The following PRKG1 variants were observed in gnomAD, a reference collection of about 807,000 sequenced individuals.
PRKG1 encodes the protein protein kinase cGMP-dependent 1.
A neutral mutation model predicts 88.1 loss-of-function variants in PRKG1; 35 were observed. The ratio of observed to expected loss-of-function variants is 0.40; its 90% CI spans 0.30 to 0.53. PRKG1 has a LOEUF of 0.53. Among genes scored for constraint, PRKG1 ranks in the 20% least tolerant of loss-of-function variants. The pLI, the probability that PRKG1 is intolerant of heterozygous loss-of-function variation, is 0.59. For synonymous variants in PRKG1, 303 were observed against 292.5 expected (o/e 1.04, Z -0.37); for missense variants, 540 against 839.8 (o/e 0.64, Z 4.41).
At chr10:52,275,025 A>G (rs892553203) in intron 12 of PRKG1, among the ~76,000 whole-genome samples, 2 of 151,592 alleles carry the variant, frequency 1.3e-5, no homozygotes, top group Non-Finnish European at 2.9e-5. Flanking sequence ...TTTTCATTGG[A>G]TTATTTGTTT....
chr10:51,143,483 T>G (rs910650178), intron 1 of PRKG1, among the ~76,000 whole-genome samples: 4 of 152,106 alleles, frequency 2.6e-5, no homozygotes, highest in African/African-American at 9.6e-5. Flanking sequence ...TTAGTTTACT[T>G]TGGGTATATA....
intron 4 of PRKG1, among the ~76,000 whole-genome samples, chr10:51,903,164 A>T (rs938663005): frequency 6.6e-6 from 1 of 152,306 alleles, no homozygotes; most frequent in East Asian, 1.9e-4. Flanking sequence ...TGTCAGTGTC[A>T]TATGGGCAAA....
Position 51,554,047 on chromosome 10 carries a change from CGTATGTGATACGTGTATATATT to C in PRKG1, c.592+86212_592+86233del. Among the ~76,000 whole-genome samples the C allele has an allele frequency of 1.7e-5, 2 of 115,176 alleles. 1 individual carries two copies. Among genetic ancestry groups the C allele is most frequent in the South Asian group, 5.3e-4 (2 of 3,742 alleles). 75.6% of individuals were successfully genotyped at this position (115,176 alleles called of 152,430 possible). ...GTGATACGTGTATATATTATATGTG[CGTATGTGATACGTGTATATATT>C]ATATGTGCGTATGTGATACGTGTAT... On this transcript the variant is annotated intron_variant, in intron 3 of 17. Coordinates refer to ENST00000373980, the MANE Select transcript of PRKG1 (RefSeq NM_006258.4).
In PRKG1 at chr10:51,968,907, A is replaced by T. The variant is rs556623515; in HGVS notation, c.762+61337A>T. On this transcript the variant is annotated intron_variant, in intron 5 of 17. Coordinates refer to ENST00000373980, the MANE Select transcript of PRKG1 (RefSeq NM_006258.4). ...ATTATGAAAACAGAATCTGCACTTCAATGAGAACACTAGATAACTCATACA... is the reference window on the plus strand; with the variant it reads ...ATTATGAAAACAGAATCTGCACTTCTATGAGAACACTAGATAACTCATACA... Among the ~76,000 whole-genome samples, 7 of 152,174 alleles carry T rather than the reference A, an allele frequency of 4.6e-5. No individual in the cohort carries two copies. In the South Asian group the frequency reaches 1.5e-3, roughly 32 times the overall value.
chr10:51,175,749 T>C (rs1406399167), intron 2 of PRKG1, among the ~76,000 whole-genome samples: 9 of 152,094 alleles, frequency 5.9e-5, no homozygotes, highest in Non-Finnish European at 4.4e-5. Flanking sequence ...CAGTATCTGG[T>C]ACAAATGAAA....
chr10:51,186,954 T>TTTTATATATATATATA (rs1318166640), intron 2 of PRKG1, among the ~76,000 whole-genome samples: 34 of 131,246 alleles, frequency 2.6e-4, no homozygotes, highest in African/African-American at 6.6e-4. Flanking sequence ...AGGCCCTGTG[T>TTTTATATATATATATA]TATATATATA....
At chr10:51,814,749 A>T (rs1839542505) in intron 4 of PRKG1, among the ~76,000 whole-genome samples, 1 of 152,096 alleles carries the variant, frequency 6.6e-6, no homozygotes, top group African/African-American at 2.4e-5. Context: ...ATTTGCACAA[A>T]TGTCTCCATA....
At chr10:52,103,652 G>A (rs899509334) in intron 7 of PRKG1, among the ~76,000 whole-genome samples, 4 of 151,986 alleles carry the variant, frequency 2.6e-5, no homozygotes, top group Admixed American at 6.6e-5. Context: ...TAAATTTTGA[G>A]GAGTCAAAAG....
At chr10:51,716,939 C>A (rs1001919623) in intron 3 of PRKG1, among the ~76,000 whole-genome samples, 1 of 152,196 alleles carries the variant, frequency 6.6e-6, no homozygotes, top group East Asian at 1.9e-4. Flanking sequence ...CTCAAGTGAT[C>A]CACCTGCCTT....
At chr10:52,287,698 T>TA (rs34027188) in intron 14 of PRKG1, among the ~76,000 whole-genome samples, 2,352 of 137,936 alleles carry the variant, frequency 0.017, 54 homozygotes, top group South Asian at 0.049. Context: ...ATGGATCAGT[T>TA]AAAAAAAAAA....
At chr10:51,197,703 T>C (rs1401959551) in intron 2 of PRKG1, among the ~76,000 whole-genome samples, 4 of 151,800 alleles carry the variant, frequency 2.6e-5, no homozygotes, top group African/African-American at 9.7e-5. Context: ...TAAAAGGCTA[T>C]CTCCTCCTAG....
At position 51,804,669 on chromosome 10, in the gene PRKG1, A is replaced by C. The variant is rs754799133; in HGVS notation, c.677A>C (p.Glu226Ala). 6.3e-7 allele frequency: 1 copy of C among 1,584,088 alleles called. No homozygotes were observed. The highest frequency in any genetic ancestry group is 8.7e-7 in the Non-Finnish European group (1 of 1,153,842). The change falls in exon 4 of 18, where the codon GAG (glutamate) becomes GCG (alanine). Residue 226 changes from glutamate (E) to alanine (A), a missense_variant. Transcript: ENST00000373980. ...AGGACAGGACTCATCAAGCATACCGAGTATATGGAATTTTTAAAAAGGTAG... is the reference window on the plus strand; with the variant it reads ...AGGACAGGACTCATCAAGCATACCGCGTATATGGAATTTTTAAAAAGGTAG... ...MMRTGLIKHT[E>A]YMEFLKSVPT... is the part of the protein sequence containing the mutation.
chr10:51,053,186 C>T (rs1310078142), intron 1 of PRKG1, among the ~76,000 whole-genome samples: 1 of 151,940 alleles, frequency 6.6e-6, no homozygotes, highest in Non-Finnish European at 1.5e-5. Flanking sequence ...GCCAAGATCA[C>T]ACCATTGCAC....
chr10:51,158,696 C>A (rs1367630568), intron 2 of PRKG1, among the ~76,000 whole-genome samples: 1 of 151,900 alleles, frequency 6.6e-6, no homozygotes, highest in Non-Finnish European at 1.5e-5. Context: ...TGGCTTAATT[C>A]TTGGTCCACC....
chr10:51,546,643 C>G (rs756845380), intron 3 of PRKG1, among the ~76,000 whole-genome samples: 1 of 152,032 alleles, frequency 6.6e-6, no homozygotes, highest in Non-Finnish European at 1.5e-5. Flanking sequence ...TGGTTTTCTA[C>G]GTACTTCCTT....
chr10:51,307,162 G>T lies in PRKG1; in HGVS notation c.478+153832G>T, dbSNP rs2132482104. Among the ~76,000 whole-genome samples, 2 of 152,078 alleles carry T rather than the reference G, an allele frequency of 1.3e-5. 1 individual carries two copies. The highest frequency in any genetic ancestry group is 2.9e-5 in the Non-Finnish European group (2 of 67,992). On this transcript the variant is annotated intron_variant, in intron 2 of 17. Coordinates refer to ENST00000373980, the MANE Select transcript of PRKG1 (RefSeq NM_006258.4). ...ATATATTATATATTATTAATATAAT[G>T]CATAACTACTACACAGATATATTTA... is the stretch of plus-strand genomic sequence containing the variant.
At chr10:51,008,507 T>C (rs910560256) in intron 1 of PRKG1, among the ~76,000 whole-genome samples, 1 of 152,204 alleles carries the variant, frequency 6.6e-6, no homozygotes, top group Non-Finnish European at 1.5e-5. Flanking sequence ...TGGTGGTTGC[T>C]GGCAACCTTA....
At chr10:51,517,678 T>G (rs1841625455) in intron 3 of PRKG1, among the ~76,000 whole-genome samples, 1 of 152,240 alleles carries the variant, frequency 6.6e-6, no homozygotes, top group African/African-American at 2.4e-5. Flanking sequence ...TTCTATAATT[T>G]ATTTTTTTCA....
chr10:51,665,684 T>A (rs923184430), intron 3 of PRKG1, among the ~76,000 whole-genome samples: 2 of 152,126 alleles, frequency 1.3e-5, no homozygotes, highest in Non-Finnish European at 2.9e-5. Context: ...TTTTATTTTT[T>A]TTTTGTCTTT....
Sources: gnomAD v4.1 joint callset for allele counts (sites outside exome capture counted in the v4.1 genomes callset) on GRCh38, gnomAD v4.1.1 for gene constraint, MANE v1.5 for transcripts, NCBI Gene and HGNC (gene_info 2026-07-23, HGNC 2026-07-21) for gene names.